AFF3: variants seen among roughly 807,000 people sequenced by gnomAD.
AFF3 encodes the protein AF4/FMR2 family member 3.
Under a neutral mutation model 129.7 loss-of-function variants are expected in AFF3, and 32 were observed. The observed-to-expected ratio is 0.25, with a 90% CI of 0.19 to 0.33. AFF3 has a LOEUF of 0.33. AFF3 is among the 10% of genes least tolerant of loss of function. AFF3 has a pLI of 1.00. For synonymous variants in AFF3, 644 were observed against 635.4 expected, an observed-to-expected ratio of 1.01 and a Z score of -0.20; for missense variants, 1,373 against 1,592.0, an observed-to-expected ratio of 0.86 and a Z score of 2.34.
At chr2:99,888,604 T>C in intron 7 of AFF3, among the ~76,000 whole-genome samples, 1 of 152,238 alleles carries the variant, frequency 6.6e-6, no homozygotes, top group Middle Eastern at 3.2e-3. Flanking sequence ...ACTTTTATTC[T>C]TAAGTATGTC....
intron 7 of AFF3, among the ~76,000 whole-genome samples, chr2:99,949,055 T>C (rs1311302533): frequency 6.6e-6 from 1 of 152,146 alleles, no homozygotes; most frequent in Admixed American, 6.5e-5. Flanking sequence ...ATCCATGGAT[T>C]TGGGGGTCAG....
At chr2:100,105,770 C>T (rs1691251793) in intron 2 of AFF3, 187 bp from the exon 3 acceptor site, 2 of 1,359,528 alleles carry the variant, frequency 1.5e-6, no homozygotes, top group East Asian at 7.5e-5. Flanking sequence ...GGCCCCCTGA[C>T]TCTCCTGACC....
At chr2:99,568,752 G>C (rs1200728511) in intron 19 of AFF3, 100 bp downstream of exon 19, 1 of 1,191,976 alleles carries the variant, frequency 8.4e-7, no homozygotes, top group Non-Finnish European at 1.2e-6. Flanking sequence ...GGCCATCCTT[G>C]TAATAGATTT....
intron 4 of AFF3, among the ~76,000 whole-genome samples, chr2:100,060,621 A>G (rs1687192599): frequency 6.6e-6 from 1 of 152,026 alleles, no homozygotes; most frequent in Non-Finnish European, 1.5e-5. Context: ...ACTTAAATAG[A>G]ATTTTAAATA....
At chr2:99,864,004 T>C (rs1003697251) in intron 7 of AFF3, among the ~76,000 whole-genome samples, 1 of 152,122 alleles carries the variant, frequency 6.6e-6, no homozygotes, top group African/African-American at 2.4e-5. Context: ...TTCCACAGAA[T>C]CCTCCAAAAG....
intron 7 of AFF3, among the ~76,000 whole-genome samples, chr2:99,965,518 C>T (rs1677659254): frequency 6.6e-6 from 1 of 152,186 alleles, no homozygotes; most frequent in Non-Finnish European, 1.5e-5. Flanking sequence ...AGAACAATAG[C>T]TGAAATTTAT....
chr2:100,102,872 CTG>C (rs1449854849), intron 4 of AFF3, among the ~76,000 whole-genome samples: 2 of 132,024 alleles, frequency 1.5e-5, no homozygotes, highest in Non-Finnish European at 3.2e-5. Context: ...TAATAGGTAT[CTG>C]TAAATGAAAG....
At chr2:100,038,498 G>T (rs189575311) in intron 4 of AFF3, among the ~76,000 whole-genome samples, 8 of 152,000 alleles carry the variant, frequency 5.3e-5, no homozygotes, top group Non-Finnish European at 1.0e-4. Context: ...AGAGAGCTTT[G>T]ATTTTATTTC....
In AFF3 at chr2:99,672,567, G is replaced by A; in HGVS notation, c.1114C>T (p.Leu372=). ...NTSMLEDDLK[L]SSDEEENEQQ... is the part of the protein sequence containing the mutation. ...TCATTCTCCTCTTCATCACTGCTTAGCTTAAGGTCATCTTCCAGCATTCTG... is the reference window on the plus strand; with the variant it reads ...TCATTCTCCTCTTCATCACTGCTTAACTTAAGGTCATCTTCCAGCATTCTG... Residue 372 remains leucine, a synonymous_variant, in exon 12 of 25, where the codon CTA becomes TTA. Transcript: ENST00000672756. 1 of 1,614,126 alleles carries A rather than the reference G, an allele frequency of 6.2e-7. No individual in the cohort carries two copies. Among genetic ancestry groups the A allele is most frequent in the Non-Finnish European group, 8.5e-7 (1 of 1,180,000 alleles).
intron 4 of AFF3, among the ~76,000 whole-genome samples, chr2:100,010,691 G>A (rs1196576075): frequency 6.6e-6 from 1 of 152,162 alleles, no homozygotes; most frequent in Non-Finnish European, 1.5e-5. Flanking sequence ...TGGGGTGGCT[G>A]TGGTGACAGT....
intron 8 of AFF3, among the ~76,000 whole-genome samples, chr2:99,755,027 C>T (rs1176706016): frequency 6.6e-6 from 1 of 152,062 alleles, no homozygotes; most frequent in Non-Finnish European, 1.5e-5. Flanking sequence ...TCCAACTCAC[C>T]TATTCATTAA....
chr2:100,039,929 T>C (rs1685284937), intron 4 of AFF3, among the ~76,000 whole-genome samples: 2 of 152,172 alleles, frequency 1.3e-5, no homozygotes, highest in African/African-American at 4.8e-5. Flanking sequence ...AGCACAGAGC[T>C]CAATGACTAG....
At chr2:99,741,179 C>T (rs1371550661) in intron 10 of AFF3, among the ~76,000 whole-genome samples, 1 of 152,160 alleles carries the variant, frequency 6.6e-6, no homozygotes, top group Admixed American at 6.5e-5. Flanking sequence ...TGCCCTCTCT[C>T]ATCACTCCTA....
At chr2:99,838,639 C>T (rs1689078249) in intron 7 of AFF3, among the ~76,000 whole-genome samples, 1 of 152,200 alleles carries the variant, frequency 6.6e-6, no homozygotes, top group Non-Finnish European at 1.5e-5. Flanking sequence ...AATATCTCCT[C>T]CCTCTAAAAC....
At chr2:99,812,895 T>C (rs1686903450) in intron 8 of AFF3, among the ~76,000 whole-genome samples, 1 of 152,234 alleles carries the variant, frequency 6.6e-6, no homozygotes, top group Non-Finnish European at 1.5e-5. Context: ...TTATTATTAA[T>C]GCATTCCCAG....
intron 11 of AFF3, among the ~76,000 whole-genome samples, chr2:99,689,938 T>G (rs1675440670): frequency 1.3e-5 from 2 of 150,206 alleles, no homozygotes; most frequent in South Asian, 2.1e-4. Flanking sequence ...AATACAAAAA[T>G]TAGCTGGGCA....
chr2:99,650,370 C>T (rs1308368384), intron 12 of AFF3, among the ~76,000 whole-genome samples: 4 of 151,896 alleles, frequency 2.6e-5, no homozygotes, highest in Middle Eastern at 3.2e-3. Flanking sequence ...ACCAGCCTGG[C>T]CAACATGGTG....
intron 13 of AFF3, among the ~76,000 whole-genome samples, chr2:99,643,140 A>ACC (rs1684367827): frequency 6.9e-6 from 1 of 144,054 alleles, no homozygotes; most frequent in African/African-American, 2.6e-5. Flanking sequence ...GCTCACTGCA[A>ACC]CCCCCGCCTC....
intron 19 of AFF3, among the ~76,000 whole-genome samples, chr2:99,567,200 G>A (rs111711602): frequency 2.9e-4 from 43 of 148,690 alleles, no homozygotes; most frequent in Non-Finnish European, 5.8e-4. Flanking sequence ...GGCTGGTCTC[G>A]AACTCCTGAC....
Sources: gnomAD v4.1 joint callset for allele counts (sites outside exome capture counted in the v4.1 genomes callset) on GRCh38, gnomAD v4.1.1 for gene constraint, MANE v1.5 for transcripts, NCBI Gene and HGNC (gene_info 2026-07-23, HGNC 2026-07-21) for gene names.